PDE8A: variants seen among roughly 807,000 people sequenced by gnomAD.
PDE8A encodes the protein phosphodiesterase 8A.
PDE8A carries 59 observed loss-of-function variants against 105.0 expected under a neutral mutation model. That is an observed-to-expected ratio of 0.56 (90% CI 0.46 to 0.70). The LOEUF (loss-of-function observed/expected upper bound fraction) is 0.70. Ranked by LOEUF, PDE8A falls within the 30% of genes least tolerant of loss-of-function variation. The pLI, the probability that PDE8A is intolerant of heterozygous loss-of-function variation, is 0.00. For missense variants in PDE8A, 1,014 were observed against 1,045.9 expected, an observed-to-expected ratio of 0.97 and a Z score of 0.42; for synonymous variants, 355 against 371.9, an observed-to-expected ratio of 0.95 and a Z score of 0.52.
intron 18 of PDE8A, among the ~76,000 whole-genome samples, chr15:85,122,214 G>A (rs531650852): frequency 1.3e-5 from 2 of 152,094 alleles, no homozygotes; most frequent in African/African-American, 2.4e-5. Flanking sequence ...TTAATGATTT[G>A]TGTAATGTCT....
At chr15:85,105,094 A>G (rs2081928191) in intron 11 of PDE8A, among the ~76,000 whole-genome samples, 1 of 152,082 alleles carries the variant, frequency 6.6e-6, no homozygotes, top group Non-Finnish European at 1.5e-5. Context: ...CCTTGCCAGT[A>G]ATGTGACAGG....
At chr15:85,015,009 T>G (rs1319633900) in intron 1 of PDE8A, among the ~76,000 whole-genome samples, 1 of 152,234 alleles carries the variant, frequency 6.6e-6, no homozygotes, top group Non-Finnish European at 1.5e-5. Context: ...AACGTTTGAT[T>G]TAAGTAAAAT....
At chr15:85,014,767 T>TA (rs1008874160) in intron 1 of PDE8A, among the ~76,000 whole-genome samples, 4 of 152,176 alleles carry the variant, frequency 2.6e-5, no homozygotes, top group African/African-American at 9.7e-5. Context: ...TGTTCATTCT[T>TA]AAAAAAATTG....
At chr15:85,101,370 A>G (rs1422238584) in intron 11 of PDE8A, among the ~76,000 whole-genome samples, 1 of 152,226 alleles carries the variant, frequency 6.6e-6, no homozygotes, top group Non-Finnish European at 1.5e-5. Context: ...GTGGATTTGA[A>G]TAGAAAAGAA....
chr15:85,041,578 A>G (rs751310793), intron 1 of PDE8A, among the ~76,000 whole-genome samples: 2 of 152,198 alleles, frequency 1.3e-5, no homozygotes, highest in Non-Finnish European at 2.9e-5. Context: ...CTTTCCGCCC[A>G]CCATTTTGTT....
chr15:85,093,244 G>A (rs184626017), intron 8 of PDE8A, among the ~76,000 whole-genome samples: 12 of 152,274 alleles, frequency 7.9e-5, no homozygotes, highest in East Asian at 1.9e-4. Context: ...TATTTGTTTC[G>A]TTTTTCACAG....
intron 20 of PDE8A, among the ~76,000 whole-genome samples, chr15:85,128,599 C>T (rs2082290485): frequency 6.6e-6 from 1 of 152,130 alleles, no homozygotes; most frequent in Non-Finnish European, 1.5e-5. Context: ...AGAAAATGAG[C>T]AGGCAAGCCA....
At position 85,100,022 on chromosome 15, in the gene PDE8A, A is replaced by T; in HGVS notation, c.949A>T (p.Arg317Ter). ...ATTGTTTTTTACTTGCAGAAAAATT[A>T]GACACTATGTGTCCATTATCAGAGT... The part of the protein sequence containing the change: ...IPVIGQGGKI[R>*]HYVSIIRVCN... Residue 317 changes from arginine to a stop codon, truncating the protein, a stop_gained, in exon 10 of 22, where the codon AGA becomes TGA. Transcript: ENST00000394553. LOFTEE classifies it high-confidence loss of function. 6.2e-7 allele frequency: 1 copy of T among 1,610,330 alleles called. No individual in the cohort carries two copies. Among genetic ancestry groups the T allele is most frequent in the African/African-American group, 1.3e-5 (1 of 74,936 alleles).
chr15:85,022,438 T>C (rs908995309), intron 1 of PDE8A, among the ~76,000 whole-genome samples: 27 of 151,988 alleles, frequency 1.8e-4, no homozygotes, highest in Non-Finnish European at 3.7e-4. Context: ...TTTTTTTTTT[T>C]TTTTTGTAAT....
At chr15:85,049,682 G>A (rs909311196) in intron 1 of PDE8A, among the ~76,000 whole-genome samples, 4 of 152,096 alleles carry the variant, frequency 2.6e-5, no homozygotes, top group African/African-American at 9.7e-5. Context: ...CAAGTACCTG[G>A]GACTGCAGGC....
chr15:85,110,470 A>G (rs1380306667), intron 12 of PDE8A, among the ~76,000 whole-genome samples: 1 of 152,218 alleles, frequency 6.6e-6, no homozygotes, highest in African/African-American at 2.4e-5. Context: ...ATTATTAACC[A>G]TGCAGAAGCA....
intron 1 of PDE8A, among the ~76,000 whole-genome samples, chr15:85,062,331 T>G (rs7403468): frequency 0.22 from 33,448 of 152,142 alleles, 3,818 homozygotes; most frequent in East Asian, 0.36. Flanking sequence ...ACTCAAGGTC[T>G]TCTCAGGCAT....
intron 11 of PDE8A, among the ~76,000 whole-genome samples, chr15:85,107,205 C>A (rs923872611): frequency 6.6e-6 from 1 of 152,110 alleles, no homozygotes; most frequent in Non-Finnish European, 1.5e-5. Flanking sequence ...AGGCACATTT[C>A]CAAGTAGGTG....
intron 1 of PDE8A, among the ~76,000 whole-genome samples, chr15:85,014,296 G>T (rs1008897674): frequency 3.3e-5 from 5 of 152,134 alleles, no homozygotes; most frequent in East Asian, 1.9e-4. Context: ...ACAGGTGCGG[G>T]CCACTAGTCC....
In PDE8A at chr15:85,097,962, T is replaced by A. The variant is rs764584661; in HGVS notation, c.867T>A (p.Ile289=). The change falls in exon 9 of 22, where the codon ATT becomes ATA. Residue 289 remains isoleucine, a synonymous_variant. Coordinates refer to ENST00000394553, the MANE Select transcript of PDE8A (RefSeq NM_002605.3). The part of the protein sequence containing the change: ...CIRIGKEWQG[I]YYAKKKNGDN... ...TCCATTTATAGGAGTGGCAAGGAAT[T>A]TACTATGCCAAAAAGAAAAACGGAG... 6.3e-7 allele frequency: 1 copy of A among 1,578,196 alleles called. No homozygotes were observed. Among genetic ancestry groups the A allele is most frequent in the Non-Finnish European group, 8.7e-7 (1 of 1,147,456 alleles).
chr15:85,109,257 A>G, intron 12 of PDE8A, 127 bp downstream of exon 12: 1 of 550,652 alleles, frequency 1.8e-6, no homozygotes, highest in South Asian at 3.3e-5. Flanking sequence ...ACCCTCTGGA[A>G]ACTAGTGTTC....
At chr15:85,053,198 G>C (rs534880144) in intron 1 of PDE8A, among the ~76,000 whole-genome samples, 1 of 152,196 alleles carries the variant, frequency 6.6e-6, no homozygotes, top group African/African-American at 2.4e-5. Context: ...TTTGGTACCA[G>C]TACCATGCTG....
chr15:85,084,905 T>A (rs2081526099), intron 6 of PDE8A, among the ~76,000 whole-genome samples: 1 of 149,046 alleles, frequency 6.7e-6, no homozygotes, highest in Admixed American at 6.6e-5. Flanking sequence ...CCAAGTCCAA[T>A]TGATCTTACT....
Position 85,029,611 on chromosome 15 carries a change from G to A in PDE8A, c.187-34759G>A, listed in dbSNP as rs150316815. Among the ~76,000 whole-genome samples, 4 of 151,998 alleles carry A rather than the reference G, an allele frequency of 2.6e-5. No homozygotes were observed. In the East Asian group the frequency reaches 5.8e-4, roughly 22 times the overall value. The stretch of plus-strand genomic sequence containing the variant: ...CTACATGAATTTGTATATATGTGGC[G>A]CTGAGTGAAATTACAAGAAAATGCA... On this transcript the variant is annotated intron_variant, in intron 1 of 21. Transcript: ENST00000394553.
Sources: allele counts gnomAD v4.1 joint callset (sites outside exome capture counted in the v4.1 genomes callset), GRCh38; gene constraint gnomAD v4.1.1; transcripts MANE v1.5; gene names NCBI Gene and HGNC (gene_info 2026-07-23, HGNC 2026-07-21).